SLC9C1: variants seen among roughly 807,000 people sequenced by gnomAD.
SLC9C1 encodes sodium/hydrogen exchanger 10.
SLC9C1 carries 97 observed loss-of-function variants against 140.9 expected under a neutral mutation model. The ratio of observed to expected loss-of-function variants is 0.69; its 90% CI spans 0.58 to 0.82. The LOEUF is 0.82. Among genes scored for constraint, SLC9C1 ranks in the 40% least tolerant of loss-of-function variants. The pLI, the probability that SLC9C1 is intolerant of heterozygous loss-of-function variation, is 0.00. For missense variants in SLC9C1, 1,340 were observed against 1,389.3 expected (o/e 0.96, Z 0.56); for synonymous variants, 440 against 442.6 (o/e 0.99, Z 0.07).
At position 112,202,348 on chromosome 3, in the gene SLC9C1, T is replaced by C; in HGVS notation, c.2224A>G (p.Lys742Glu). The change falls in exon 18 of 29, where the codon AAG becomes GAG. Residue 742 changes from lysine to glutamate, a missense_variant. Physicochemically the swap from Lys to Glu is moderately conservative, Grantham distance 56. Coordinates refer to ENST00000305815, the MANE Select transcript of SLC9C1 (RefSeq NM_183061.3). ...TTTAGTATTCCATACCAAAAGGTCT[T>C]CTGATGACTCATTCTTTTATCTATT... ...QIIDKRMSHQ[K>E]TFWYGILKGY... The C allele has an allele frequency of 6.2e-7, 1 of 1,609,016 alleles. No individual in the cohort carries two copies. Among genetic ancestry groups the C allele is most frequent in the Non-Finnish European group, 8.5e-7 (1 of 1,177,702 alleles).
Position 112,169,402 on chromosome 3 carries a change from T to C in SLC9C1, c.2920-74A>G, listed in dbSNP as rs2077203487. Reference sequence around the variant, plus strand: ...TTAAGGAATAAAGTTTTTTTGTTTATGTACACTATTAAAGCTAATAATTTA... The same window carrying C: ...TTAAGGAATAAAGTTTTTTTGTTTACGTACACTATTAAAGCTAATAATTTA... On this transcript the variant is annotated intron_variant, in intron 23 of 28. Coordinates refer to ENST00000305815, the MANE Select transcript of SLC9C1 (RefSeq NM_183061.3). 12 of 1,403,682 alleles carry C rather than the reference T, an allele frequency of 8.5e-6. No individual in the cohort carries two copies. In the South Asian group the frequency reaches 1.7e-4, roughly 20 times the overall value. 87.0% of individuals were successfully genotyped at this position (1,403,682 alleles called of 1,614,324 possible).
intron 2 of SLC9C1, among the ~76,000 whole-genome samples, chr3:112,285,979 G>C (rs1330815908): frequency 6.6e-6 from 1 of 152,090 alleles, no homozygotes; most frequent in South Asian, 2.1e-4. Context: ...CATGGGCCTG[G>C]TCTTGAACTG....
At chr3:112,211,245 A>G (rs1161865022) in intron 15 of SLC9C1, among the ~76,000 whole-genome samples, 1 of 152,230 alleles carries the variant, frequency 6.6e-6, no homozygotes, top group Non-Finnish European at 1.5e-5. Flanking sequence ...AGATAGCCGA[A>G]TAGGAACAGC....
chr3:112,204,554 T>C, intron 16 of SLC9C1, 151 bp from the exon 17 acceptor site: 1 of 710,202 alleles, frequency 1.4e-6, no homozygotes. Flanking sequence ...AACAAACAAG[T>C]TCATCAAATT....
At position 112,142,461 on chromosome 3, in the gene SLC9C1, T is replaced by G. The variant is rs937629637; in HGVS notation, c.3525-1180A>C. Among the ~76,000 whole-genome samples, 7 of 152,282 alleles carry G rather than the reference T, an allele frequency of 4.6e-5. No individual in the cohort carries two copies. In the East Asian group the frequency reaches 1.4e-3, roughly 29 times the overall value. The stretch of plus-strand genomic sequence containing the variant: ...CTTATTGTAAGCAATTAATTCTTTT[T>G]TTGGACCATTCTTGAACTGCTTTTA... On this transcript the variant is annotated intron_variant, in intron 28 of 28. Coordinates refer to ENST00000305815, the MANE Select transcript of SLC9C1 (RefSeq NM_183061.3).
chr3:112,234,004 G>C (rs2078909801), intron 12 of SLC9C1, among the ~76,000 whole-genome samples: 1 of 152,164 alleles, frequency 6.6e-6, no homozygotes, highest in African/African-American at 2.4e-5. Flanking sequence ...CCAGTAATGG[G>C]ATGGCTGGGT....
rs1436765444 is a variant in SLC9C1 at position 112,200,128 on chromosome 3, TTTC to T, written c.2374+580_2374+582del. Among the ~76,000 whole-genome samples, 24 of 152,032 alleles carry T rather than the reference TTTC, an allele frequency of 1.6e-4. 1 individual carries two copies. The highest frequency in any genetic ancestry group is 1.6e-3 in the Admixed American group (24 of 15,242). On this transcript the variant is annotated intron_variant, in intron 19 of 28. Transcript: ENST00000305815. ...TGTAGCTCACCACATGGTATAAAATTTTCTTCTCCTCCTATACATGAACATTGT... is the reference window on the plus strand; with the variant it reads ...TGTAGCTCACCACATGGTATAAAATTTTCTCCTCCTATACATGAACATTGT...
At chr3:112,244,392 G>A (rs937343542) in intron 10 of SLC9C1, among the ~76,000 whole-genome samples, 1 of 152,192 alleles carries the variant, frequency 6.6e-6, no homozygotes, top group African/African-American at 2.4e-5. Context: ...CTTCCTGGTA[G>A]CTGAGAATAC....
rs544119886 is a variant in SLC9C1, at chr3:112,147,112, G to A, written c.3524+4745C>T. Reference sequence around the variant, plus strand: ...GTCTGTTTTATCTGATATAAAAATAGTGACCCCTGCTCTTTTTTGTTTTCC... The same window carrying A: ...GTCTGTTTTATCTGATATAAAAATAATGACCCCTGCTCTTTTTTGTTTTCC... On this transcript the variant is annotated intron_variant, in intron 28 of 28. Transcript: ENST00000305815. Among the ~76,000 whole-genome samples, 3 of 152,202 alleles carry A rather than the reference G, an allele frequency of 2.0e-5. No individual in the cohort carries two copies. The East Asian group carries it at 5.8e-4, about 29-fold the overall frequency.
rs11369523 is a variant in SLC9C1, at chr3:112,155,055, TA to T, written c.3365-7del. On this transcript the variant is annotated splice_polypyrimidine_tract_variant and splice_region_variant and intron_variant, in intron 26 of 28. Transcript: ENST00000305815. The stretch of plus-strand genomic sequence containing the variant: ...TTCCAATGTTCCAACTGAACCTGAT[TA>T]AAAAAAAAAAAAACAGTGTTAATTC... The T allele has an allele frequency of 9.4e-3, 13,105 of 1,399,250 alleles. 3 individuals carry two copies. The highest frequency in any genetic ancestry group is 0.011 in the Non-Finnish European group (11,173 of 1,033,510). 86.7% of individuals were successfully genotyped at this position (1,399,250 alleles called of 1,614,324 possible).
chr3:112,168,802 A>G, intron 25 of SLC9C1, 75 bp downstream of exon 25: 3 of 1,311,206 alleles, frequency 2.3e-6, no homozygotes, highest in Non-Finnish European at 3.1e-6. Flanking sequence ...GATTATAGTG[A>G]CAGTTTTTCT....
chr3:112,293,006 C>A (rs1269828954), intron 1 of SLC9C1, among the ~76,000 whole-genome samples: 4 of 148,966 alleles, frequency 2.7e-5, no homozygotes, highest in African/African-American at 9.8e-5. Context: ...CAGTGGCTCA[C>A]GCCTGTAATC....
At chr3:112,214,837 G>A (rs1212901591) in intron 15 of SLC9C1, among the ~76,000 whole-genome samples, 1 of 152,146 alleles carries the variant, frequency 6.6e-6, no homozygotes, top group African/African-American at 2.4e-5. Context: ...GAAAAAGAGG[G>A]AATCCTCCCT....
intron 20 of SLC9C1, among the ~76,000 whole-genome samples, chr3:112,192,952 C>T (rs576818271): frequency 1.4e-4 from 22 of 152,154 alleles, no homozygotes; most frequent in African/African-American, 5.1e-4. Context: ...GAACAATTGC[C>T]TCTTTGAATT....
intron 10 of SLC9C1, among the ~76,000 whole-genome samples, chr3:112,250,051 T>C (rs1338983139): frequency 6.6e-6 from 1 of 151,188 alleles, no homozygotes; most frequent in Non-Finnish European, 1.5e-5. Context: ...CTCCTAATGC[T>C]ATCCCTCCCC....
intron 6 of SLC9C1, among the ~76,000 whole-genome samples, chr3:112,271,410 T>TATATATATATATATA (rs1553704077): frequency 6.7e-6 from 1 of 148,228 alleles, no homozygotes; most frequent in Admixed American, 6.9e-5. Context: ...TATATATATA[T>TATATATATATATATA]CAAAGCCTCA....
intron 6 of SLC9C1, among the ~76,000 whole-genome samples, chr3:112,273,774 C>A (rs1330985984): frequency 6.6e-6 from 1 of 152,110 alleles, no homozygotes; most frequent in Non-Finnish European, 1.5e-5. Flanking sequence ...AGATATTCTT[C>A]ATTGCTGAGG....
intron 28 of SLC9C1, among the ~76,000 whole-genome samples, chr3:112,145,690 C>G (rs2074771079): frequency 7.8e-6 from 1 of 128,980 alleles, no homozygotes; most frequent in African/African-American, 2.9e-5. Flanking sequence ...CTTCCTGATT[C>G]AATCTTGGGA....
chr3:112,249,557 T>C (rs9838932), intron 10 of SLC9C1, among the ~76,000 whole-genome samples: 89,924 of 151,930 alleles, frequency 0.59, 27,129 homozygotes, highest in East Asian at 0.79. Flanking sequence ...GTACAATTCA[T>C]CTATGAATTT....
Sources: allele counts gnomAD v4.1 joint callset (sites outside exome capture counted in the v4.1 genomes callset), GRCh38; gene constraint gnomAD v4.1.1; transcripts MANE v1.5; gene names NCBI Gene and HGNC (gene_info 2026-07-23, HGNC 2026-07-21).